The following IKZF2 variants were observed in gnomAD, a reference collection of about 807,000 sequenced individuals.
IKZF2 encodes the protein zinc finger protein Helios.
In IKZF2, 15 loss-of-function variants were observed where a neutral mutation model predicts 49.2. The observed-to-expected ratio is 0.30, with a 90% confidence interval of 0.20 to 0.47. The LOEUF (loss-of-function observed/expected upper bound fraction) is 0.47, where lower values mean the gene tolerates loss of function less well. Ranked by LOEUF, IKZF2 falls within the 20% of genes least tolerant of loss-of-function variation. The probability of loss-of-function intolerance (pLI) is 1.00; values close to 1 mark genes in which losing one functional copy is unlikely to be tolerated. For synonymous variants in IKZF2, 227 were observed against 221.4 expected, an observed-to-expected ratio of 1.03 and a Z score of -0.23; for missense variants, 567 against 664.6, an observed-to-expected ratio of 0.85 and a Z score of 1.61.
intron 4 of IKZF2, among the ~76,000 whole-genome samples, chr2:213,145,353 G>C (rs1390963826): frequency 6.6e-6 from 1 of 151,742 alleles, no homozygotes; most frequent in Non-Finnish European, 1.5e-5. Flanking sequence ...TTTGGAAGCA[G>C]GCACCCTCCA....
rs1214502656 is a variant in IKZF2 at position 213,114,749 on chromosome 2, T to C, written c.139+32959A>G. On this transcript the variant is annotated intron_variant, in intron 4 of 8. Coordinates refer to ENST00000434687, the MANE Select transcript of IKZF2 (RefSeq NM_001387220.1). Reference sequence around the variant, plus strand: ...GAGATCGAGACCATCCTGGCCAACATGGTGAAACCTCATCTCTACTAAAAA... The same window carrying C: ...GAGATCGAGACCATCCTGGCCAACACGGTGAAACCTCATCTCTACTAAAAA... Among the ~76,000 whole-genome samples, 4 of 152,012 alleles carry C rather than the reference T, an allele frequency of 2.6e-5. 1 individual carries two copies. The East Asian group carries it at 5.8e-4, about 22-fold the overall frequency.
Position 213,004,350 on chromosome 2 carries a change from C to T in IKZF2, c.*3010G>A, listed in dbSNP as rs1695150889. ...ATTTCTTCCAATCCGCCTACTGATC[C>T]CTTTCCCTGTCTTAAAAAGGTCCAA... On this transcript the variant is annotated 3_prime_UTR_variant, in exon 9 of 9. Transcript: ENST00000434687. The T allele has an allele frequency of 1.3e-5, 2 of 151,780 alleles. No individual in the cohort carries two copies. The highest frequency in any genetic ancestry group is 4.1e-4 in the South Asian group (2 of 4,822). The allele number at this position is 151,780 out of a possible 1,614,324, so 9.4% of individuals were successfully genotyped here.
At chr2:213,118,603 T>A (rs751530837) in intron 4 of IKZF2, among the ~76,000 whole-genome samples, 3 of 152,172 alleles carry the variant, frequency 2.0e-5, no homozygotes, top group Non-Finnish European at 2.9e-5. Context: ...CACCTAAAAC[T>A]TTTTTTCCCA....
In IKZF2 at chr2:213,021,994, A is replaced by G; in HGVS notation, c.711T>C (p.His237=). 6.2e-7 allele frequency: 1 copy of G among 1,607,834 alleles called. No individual in the cohort carries two copies. The highest frequency in any genetic ancestry group is 1.3e-5 in the African/African-American group (1 of 74,676). Residue 237 remains histidine, a splice_region_variant and synonymous_variant, in exon 7 of 9, where the codon CAT becomes CAC. Coordinates refer to ENST00000434687, the MANE Select transcript of IKZF2 (RefSeq NM_001387220.1). ...MEAAGQVMSH[H]VPPMEDCKEQ... ...ATGATGAATCCAGTTTCTACCCACCATGGTGACTCATGACCTGCCCAGCAG... is the reference window on the plus strand; with the variant it reads ...ATGATGAATCCAGTTTCTACCCACCGTGGTGACTCATGACCTGCCCAGCAG...
At chr2:213,073,535 A>G (rs965459477) in intron 4 of IKZF2, among the ~76,000 whole-genome samples, 1 of 152,254 alleles carries the variant, frequency 6.6e-6, no homozygotes, top group Non-Finnish European at 1.5e-5. Flanking sequence ...AATGTTTAAT[A>G]GCATGTTACA....
At chr2:213,035,088 C>T (rs1477676803) in intron 6 of IKZF2, among the ~76,000 whole-genome samples, 1 of 152,064 alleles carries the variant, frequency 6.6e-6, no homozygotes, top group Non-Finnish European at 1.5e-5. Flanking sequence ...TTACTTGGAT[C>T]TCAAATTCTA....
intron 8 of IKZF2, among the ~76,000 whole-genome samples, chr2:213,010,727 G>C (rs1695856814): frequency 6.6e-6 from 1 of 152,096 alleles, no homozygotes; most frequent in Non-Finnish European, 1.5e-5. Flanking sequence ...GTCTAAGAGA[G>C]GAGCCTAGCT....
At chr2:213,091,092 G>A (rs765357044) in intron 4 of IKZF2, among the ~76,000 whole-genome samples, 1 of 152,036 alleles carries the variant, frequency 6.6e-6, no homozygotes, top group South Asian at 2.1e-4. Context: ...GACCAGAGAC[G>A]GGCTAATTTT....
intron 4 of IKZF2, among the ~76,000 whole-genome samples, chr2:213,089,719 GAGA>G (rs1705079542): frequency 6.6e-6 from 1 of 152,172 alleles, no homozygotes; most frequent in East Asian, 1.9e-4. Flanking sequence ...CTGTTACGGG[GAGA>G]AGGAGGAGGA....
intron 7 of IKZF2, 92 bp from the exon 8 acceptor site, chr2:213,014,026 A>G: frequency 8.2e-7 from 1 of 1,219,566 alleles, no homozygotes; most frequent in African/African-American, 1.5e-5. Flanking sequence ...ATGTGTTATA[A>G]AAGCTAGTAT....
chr2:213,088,645 C>T (rs1704943931), intron 4 of IKZF2, among the ~76,000 whole-genome samples: 1 of 152,026 alleles, frequency 6.6e-6, no homozygotes, highest in Non-Finnish European at 1.5e-5. Context: ...TGTAATCACA[C>T]CACTTGGGAA....
intron 8 of IKZF2, among the ~76,000 whole-genome samples, chr2:213,013,058 CG>C (rs1369609926): frequency 1.3e-5 from 2 of 151,490 alleles, no homozygotes; most frequent in African/African-American, 4.9e-5. Flanking sequence ...TCTAAGGGTT[CG>C]GAAATGAAAA....
At chr2:213,070,064 C>A (rs904724292) in intron 4 of IKZF2, among the ~76,000 whole-genome samples, 2 of 151,992 alleles carry the variant, frequency 1.3e-5, no homozygotes, top group African/African-American at 4.8e-5. Flanking sequence ...ATTCAAATGT[C>A]TGGTTTGACT....
intron 4 of IKZF2, among the ~76,000 whole-genome samples, chr2:213,120,245 A>G (rs183485943): frequency 6.6e-6 from 1 of 152,352 alleles, no homozygotes; most frequent in African/African-American, 2.4e-5. Flanking sequence ...CAATAGCAAT[A>G]CAATGTGGTG....
intron 6 of IKZF2, among the ~76,000 whole-genome samples, chr2:213,027,635 T>G (rs765946742): frequency 6.6e-6 from 1 of 152,164 alleles, no homozygotes; most frequent in Non-Finnish European, 1.5e-5. Context: ...TGATTAGTCT[T>G]CTGCTGCCTG....
intron 6 of IKZF2, among the ~76,000 whole-genome samples, chr2:213,028,623 T>C (rs1181192348): frequency 6.6e-6 from 1 of 152,202 alleles, no homozygotes; most frequent in East Asian, 1.9e-4. Context: ...CATTTTGGGA[T>C]GTTATAATCA....
chr2:213,100,732 A>G (rs1399769002), intron 4 of IKZF2, among the ~76,000 whole-genome samples: 1 of 152,044 alleles, frequency 6.6e-6, no homozygotes, highest in Non-Finnish European at 1.5e-5. Context: ...ATACTTAGGA[A>G]TACTTGGCAA....
chr2:213,152,111 C>T (rs2061301377), upstream of IKZF2: 1 of 152,160 alleles, frequency 6.6e-6, no homozygotes, highest in Admixed American at 6.5e-5. Flanking sequence ...CTCCCCGTGT[C>T]ATAATAAATC....
chr2:213,062,813 C>G (rs1212756414), intron 4 of IKZF2, among the ~76,000 whole-genome samples: 1 of 151,958 alleles, frequency 6.6e-6, no homozygotes, highest in Non-Finnish European at 1.5e-5. Flanking sequence ...AACTCTCTCT[C>G]ACGTAAACTT....
Sources: allele counts gnomAD v4.1 joint callset (sites outside exome capture counted in the v4.1 genomes callset), GRCh38; gene constraint gnomAD v4.1.1; transcripts MANE v1.5; gene names NCBI Gene and HGNC (gene_info 2026-07-23, HGNC 2026-07-21).